Variants in HLA-DPA1 observed in about 807,000 individuals in gnomAD.
HLA-DPA1 encodes major histocompatibility complex, class II, DP alpha 1, also known as HLA class II histocompatibility antigen, DP alpha 1 chain.
A neutral mutation model predicts 21.5 loss-of-function variants in HLA-DPA1; 20 were observed. The ratio of observed to expected loss-of-function variants is 0.93; its 90% CI spans 0.66 to 1.35. The LOEUF (loss-of-function observed/expected upper bound fraction) is 1.35, where lower values mean the gene tolerates loss of function less well. Ranked by LOEUF, HLA-DPA1 falls within the 40% of genes most tolerant of loss-of-function variation. HLA-DPA1 has a pLI of 0.00. For synonymous variants in HLA-DPA1, 123 were observed against 129.6 expected (o/e 0.95, Z 0.35); for missense variants, 279 against 323.0 (o/e 0.86, Z 1.05).
rs1479122551 is a variant in HLA-DPA1 at position 33,069,608 on chromosome 6, G to T, written c.346+33C>A. 1.9e-6 allele frequency: 3 copies of T among 1,609,232 alleles called. No homozygotes were observed. In the Admixed American group the frequency reaches 5.0e-5, roughly 27 times the overall value. On this transcript the variant is annotated intron_variant, in intron 3 of 5. Coordinates refer to ENST00000419277, the Ensembl canonical transcript of HLA-DPA1. ...GAGGCCCTCTCATCCCTTCCAGTTG[G>T]GCTACAGAGGAAGAGGCAAAGATAG...
At position 33,080,167 on chromosome 6, in the gene HLA-DPA1, C is replaced by G. The variant is rs1762758882; in HGVS notation, c.-100+513G>C. ...GTTGAGGAATTCTCAAGAAACTGGT[C>G]GAGAAGAGAGAGCGCTTAGCTATGG... On this transcript the variant is annotated intron_variant, in intron 1 of 5. Coordinates refer to ENST00000419277, the Ensembl canonical transcript of HLA-DPA1. This position sits in a 1 kb window ranked among gnomAD's most constrained non-coding sequence, Gnocchi z 4.3. Among the ~76,000 whole-genome samples, 2 of 151,978 alleles carry G rather than the reference C, an allele frequency of 1.3e-5. No homozygotes were observed. The highest frequency in any genetic ancestry group is 2.4e-5 in the African/African-American group (1 of 41,330).
chr6:33,068,350 C>A, intron 5 of HLA-DPA1: 1 of 297,666 alleles, frequency 3.4e-6, no homozygotes, highest in Non-Finnish European at 6.1e-6. Flanking sequence ...GATCAAAGTG[C>A]TTAAAGTCTC....
At position 33,080,582 on chromosome 6, in the gene HLA-DPA1, T is replaced by G; in HGVS notation, c.-100+98A>C. The G allele has an allele frequency of 6.3e-7, 1 of 1,579,270 alleles. No homozygotes were observed. Among genetic ancestry groups the G allele is most frequent in the Non-Finnish European group, 8.7e-7 (1 of 1,151,528 alleles). On this transcript the variant is annotated intron_variant, in intron 1 of 5. Transcript: ENST00000419277. This position sits in a 1 kb window ranked among gnomAD's most constrained non-coding sequence, Gnocchi z 4.3. Reference sequence around the variant, plus strand: ...AAAATCCAGCCCTGGGTGGGAAGATTTGGGAAGAATCGTTAATATTGAGAG... The same window carrying G: ...AAAATCCAGCCCTGGGTGGGAAGATGTGGGAAGAATCGTTAATATTGAGAG...
At chr6:33,079,817 T>TC in intron 1 of HLA-DPA1, 1 of 452,780 alleles carries the variant, frequency 2.2e-6, no homozygotes, top group Non-Finnish European at 4.3e-6. Flanking sequence ...GCCATCAGAG[T>TC]CACCAACCCC....
chr6:33,068,581 T>G, intron 5 of HLA-DPA1, 57 bp downstream of exon 4: 1 of 1,414,596 alleles, frequency 7.1e-7, no homozygotes, highest in East Asian at 2.3e-5. Flanking sequence ...TCAGATTGAA[T>G]TTTTCCTCCC....
exon 4 of HLA-DPA1, chr6:33,069,285 G>T: frequency 1.2e-6 from 2 of 1,612,830 alleles, no homozygotes; most frequent in South Asian, 2.2e-5. Flanking sequence ...GGGAAACACG[G>T]TCACCTCAGG....
At chr6:33,073,733 G>T in intron 1 of HLA-DPA1, 84 bp from the exon 1 acceptor site, 1 of 593,382 alleles carries the variant, frequency 1.7e-6, no homozygotes, top group East Asian at 2.8e-5. Context: ...TCATAGAGCT[G>T]ACATTCTCTG....
At chr6:33,074,092 C>T (rs1190924497) in intron 1 of HLA-DPA1, among the ~76,000 whole-genome samples, 1 of 152,160 alleles carries the variant, frequency 6.6e-6, no homozygotes, top group Non-Finnish European at 1.5e-5. Flanking sequence ...TTCAGGTCCA[C>T]CTCCCTGAGA....
chr6:33,075,986 G>T (rs1384168733), intron 1 of HLA-DPA1: 3 of 1,318,576 alleles, frequency 2.3e-6, no homozygotes, highest in East Asian at 2.4e-5. Context: ...TCCCTTTAGC[G>T]AGTCCTTCTT....
At chr6:33,072,469 TA>T in intron 2 of HLA-DPA1, among the ~76,000 whole-genome samples, 1 of 152,344 alleles carries the variant, frequency 6.6e-6, no homozygotes, top group Non-Finnish European at 1.5e-5. Context: ...CCAAGAATAC[TA>T]AAAAGTATTT....
At chr6:33,079,812 CAG>C in intron 1 of HLA-DPA1, 1 of 456,854 alleles carries the variant, frequency 2.2e-6, no homozygotes, top group South Asian at 1.7e-5. Flanking sequence ...AGCCGGCCAT[CAG>C]AGTCACCAAC....
At chr6:33,069,082 C>T in exon 4 of HLA-DPA1, 2 of 1,613,060 alleles carry the variant, frequency 1.2e-6, no homozygotes, top group Non-Finnish European at 1.7e-6. Context: ...TAGAAGTCCT[C>T]TGCTGAGGGC....
In HLA-DPA1 at chr6:33,071,660, C is replaced by T. The variant is rs149310415; in HGVS notation, c.101-1774G>A. ...CGCGTATAAGTCACAGAAGGAAACA[C>T]AAGTGACAGGACAACAGCAGGTTCA... is the stretch of plus-strand genomic sequence containing the variant. On this transcript the variant is annotated intron_variant, in intron 2 of 5. Transcript: ENST00000419277. Among the ~76,000 whole-genome samples, 370 of 151,998 alleles carry T rather than the reference C, an allele frequency of 2.4e-3. 1 individual carries two copies. The highest frequency in any genetic ancestry group is 0.021 in the East Asian group (106 of 5,144).
chr6:33,070,780 A>G (rs764818504), intron 2 of HLA-DPA1, among the ~76,000 whole-genome samples: 13 of 152,164 alleles, frequency 8.5e-5, no homozygotes, highest in African/African-American at 2.2e-4. Flanking sequence ...TTGGGGGTTT[A>G]GTGTACAGAT....
intron 1 of HLA-DPA1, among the ~76,000 whole-genome samples, chr6:33,077,814 T>G (rs1280108400): frequency 6.6e-6 from 1 of 152,144 alleles, no homozygotes; most frequent in Non-Finnish European, 1.5e-5. Flanking sequence ...TCCTCATCTT[T>G]CAGGGTAGCA....
chr6:33,068,622 C>T lies in HLA-DPA1; in HGVS notation c.*12+16G>A. On this transcript the variant is annotated intron_variant, in intron 5 of 5. Transcript: ENST00000419277. Reference sequence around the variant, plus strand: ...TACATTCTACAAATCCTAGGGCCTCCTCTTTACATTCCCACCTTTACAGTA... The same window carrying T: ...TACATTCTACAAATCCTAGGGCCTCTTCTTTACATTCCCACCTTTACAGTA... The T allele has an allele frequency of 6.3e-7, 1 of 1,580,218 alleles. No homozygotes were observed. Among genetic ancestry groups the T allele is most frequent in the Non-Finnish European group, 8.6e-7 (1 of 1,159,468 alleles).
At chr6:33,064,885 C>T (rs1211633415) in exon 6 of HLA-DPA1, 1 of 152,176 alleles carries the variant, frequency 6.6e-6, no homozygotes, top group Non-Finnish European at 1.5e-5. Context: ...CAGACCTTTC[C>T]GTTCAAGTGG....
In HLA-DPA1 at chr6:33,072,578, A is replaced by C. The variant is rs140843861; in HGVS notation, c.100+893T>G. Among the ~76,000 whole-genome samples, 541 of 152,308 alleles carry C rather than the reference A, an allele frequency of 3.6e-3. 3 individuals carry two copies. The highest frequency in any genetic ancestry group is 0.026 in the East Asian group (133 of 5,186). On this transcript the variant is annotated intron_variant, in intron 2 of 5. Transcript: ENST00000419277. ...CAGGGCAATAGATACTTCTGGTTCT[A>C]CCCAGCCTGACCTCCTCTTTATTCT... is the stretch of plus-strand genomic sequence containing the variant.
chr6:33,071,431 C>T (rs984010568), intron 2 of HLA-DPA1, among the ~76,000 whole-genome samples: 4 of 152,162 alleles, frequency 2.6e-5, no homozygotes, highest in African/African-American at 9.7e-5. Context: ...ACATGAATGT[C>T]CCTTGTACTT....
Sources: allele counts gnomAD v4.1 joint callset (sites outside exome capture counted in the v4.1 genomes callset), GRCh38; gene constraint gnomAD v4.1.1; non-coding constraint Gnocchi (gnomAD v3.1); transcripts MANE v1.5; gene names NCBI Gene and HGNC (gene_info 2026-07-23, HGNC 2026-07-21).